The following CABP7 variants were observed in gnomAD, a reference collection of about 807,000 sequenced individuals.
The protein encoded by CABP7 is calcium-binding protein 7.
Under a neutral mutation model 23.1 loss-of-function variants are expected in CABP7, and 13 were observed. The observed-to-expected ratio is 0.56, with a 90% CI of 0.37 to 0.90. The LOEUF is 0.90. CABP7 is among the 40% of genes least tolerant of loss of function. CABP7 has a pLI of 0.01. For synonymous variants in CABP7, 123 were observed against 115.3 expected (o/e 1.07, Z -0.43); for missense variants, 248 against 295.6 (o/e 0.84, Z 1.18).
chr22:29,722,771 C>T (rs1569329541), intron 1 of CABP7, among the ~76,000 whole-genome samples: 1 of 152,224 alleles, frequency 6.6e-6, no homozygotes. Flanking sequence ...GGCCCTCTGC[C>T]GGGAGGACGC....
rs771456539 is a variant in CABP7 at position 29,729,219 on chromosome 22, G to T, written c.520+11G>T. 1.2e-6 allele frequency: 2 copies of T among 1,600,532 alleles called. No individual in the cohort carries two copies. The highest frequency in any genetic ancestry group is 2.3e-5 in the East Asian group (1 of 44,274). On this transcript the variant is annotated intron_variant, in intron 4 of 4. Coordinates refer to ENST00000216144, the MANE Select transcript of CABP7 (RefSeq NM_182527.3). ...CCGTGGATGTGGAGAGTGAGTGGCT[G>T]GCCCTGGAACCCCACGGGTGGGCCC... is the stretch of plus-strand genomic sequence containing the variant.
Position 29,727,664 on chromosome 22 carries a change from A to G in CABP7, c.112A>G (p.Ile38Val). Reference sequence around the variant, plus strand: ...AGCCTACTCCATTCTCTCCTCAGAGATCCGAGAGGCCTTCAAGGTGTTTGA... The same window carrying G: ...AGCCTACTCCATTCTCTCCTCAGAGGTCCGAGAGGCCTTCAAGGTGTTTGA... ...VDIPEDELEEIREAFKVFDRD... is the reference protein window; with the variant it reads ...VDIPEDELEEVREAFKVFDRD... The change falls in exon 2 of 5, where the codon ATC (isoleucine) becomes GTC (valine). Residue 38 changes from isoleucine to valine, a missense_variant and splice_region_variant. Physicochemically the swap from Ile to Val is conservative, Grantham distance 29. Coordinates refer to ENST00000216144, the MANE Select transcript of CABP7 (RefSeq NM_182527.3). This position sits in a 1 kb window ranked among gnomAD's most constrained non-coding sequence, Gnocchi z 4.2. 1 of 1,613,664 alleles carries G rather than the reference A, an allele frequency of 6.2e-7. No individual in the cohort carries two copies. The highest frequency in any genetic ancestry group is 8.5e-7 in the Non-Finnish European group (1 of 1,179,912).
intron 1 of CABP7, among the ~76,000 whole-genome samples, chr22:29,722,284 G>A (rs1003857344): frequency 1.3e-5 from 2 of 152,244 alleles, no homozygotes; most frequent in African/African-American, 2.4e-5. Flanking sequence ...CTGCAGGGGC[G>A]AGGGGCCGCA....
chr22:29,720,551 TC>T lies in CABP7; in HGVS notation c.109+22del. 6.7e-7 allele frequency: 1 copy of T among 1,486,864 alleles called. No homozygotes were observed. Among genetic ancestry groups the T allele is most frequent in the Non-Finnish European group, 9.0e-7 (1 of 1,108,254 alleles). The allele number at this position is 1,486,864 out of a possible 1,614,324, so 92.1% of individuals were successfully genotyped here. On this transcript the variant is annotated intron_variant, in intron 1 of 4. Coordinates refer to ENST00000216144, the MANE Select transcript of CABP7 (RefSeq NM_182527.3). The surrounding 1 kb of genome is among the most constrained non-coding windows in gnomAD (Gnocchi z 5.2). ...GCTGGAGGGTGAGTGTCCGCCGGGA[TC>T]CCCGCCCCGGCGGCCCTCCTACCTG...
At chr22:29,722,067 C>T (rs2067765990) in intron 1 of CABP7, among the ~76,000 whole-genome samples, 1 of 152,158 alleles carries the variant, frequency 6.6e-6, no homozygotes, top group Non-Finnish European at 1.5e-5. Context: ...TCCAGAGGCC[C>T]TCATCCATCC....
At chr22:29,728,479 G>A in intron 2 of CABP7, 151 bp from the exon 3 acceptor site, 3 of 583,788 alleles carry the variant, frequency 5.1e-6, no homozygotes, top group Non-Finnish European at 9.3e-6. Flanking sequence ...AGATGCCCCT[G>A]ACACTGACTC....
intron 1 of CABP7, among the ~76,000 whole-genome samples, chr22:29,721,440 G>T (rs938996020): frequency 7.9e-5 from 12 of 152,146 alleles, no homozygotes; most frequent in Admixed American, 7.8e-4. Context: ...GGAGTGGAGT[G>T]GGGGATCTGG....
chr22:29,727,556 C>A lies in CABP7; in HGVS notation c.110-106C>A. ...CCAGATCTGCAGGCTCTGGGTTGGG[C>A]TCTCAAGGCCATGCTCAGGCTGCAG... On this transcript the variant is annotated intron_variant, in intron 1 of 4. Transcript: ENST00000216144. The surrounding 1 kb of genome is among the most constrained non-coding windows in gnomAD (Gnocchi z 4.2). 7.0e-7 allele frequency: 1 copy of A among 1,420,512 alleles called. No individual in the cohort carries two copies. Among genetic ancestry groups the A allele is most frequent in the Non-Finnish European group, 9.8e-7 (1 of 1,019,760 alleles). 88.0% of individuals were successfully genotyped at this position (1,420,512 alleles called of 1,614,324 possible).
At chr22:29,723,943 T>C (rs1459627628) in intron 1 of CABP7, among the ~76,000 whole-genome samples, 2 of 152,150 alleles carry the variant, frequency 1.3e-5, no homozygotes, top group Non-Finnish European at 2.9e-5. Context: ...GAGAAGGACA[T>C]TGGGGGATGT....
In CABP7 at chr22:29,727,142, G is replaced by A. The variant is rs867726025; in HGVS notation, c.110-520G>A. ...CCCTGAACCAAAAGAGGTCTGTGCC[G>A]CCTGTCAGCCCATTAGTCTGGAGCA... On this transcript the variant is annotated intron_variant, in intron 1 of 4. Transcript: ENST00000216144. The surrounding 1 kb of genome is among the most constrained non-coding windows in gnomAD (Gnocchi z 4.2). Among the ~76,000 whole-genome samples the A allele has an allele frequency of 2.0e-5, 3 of 152,172 alleles. No homozygotes were observed. Among genetic ancestry groups the A allele is most frequent in the South Asian group, 2.1e-4 (1 of 4,832 alleles).
In CABP7 at chr22:29,731,248, G is replaced by A; in HGVS notation, c.*1679G>A. On this transcript the variant is annotated 3_prime_UTR_variant, in exon 5 of 5. Transcript: ENST00000216144. ...GCTCAGCCCCACTGGACTCTGGGCT[G>A]CAGAGGCCACCCCCCAGGTGGGGGT... The A allele has an allele frequency of 6.6e-7, 1 of 1,511,848 alleles. No individual in the cohort carries two copies. Among genetic ancestry groups the A allele is most frequent in the South Asian group, 1.4e-5 (1 of 73,510 alleles). The allele number at this position is 1,511,848 out of a possible 1,614,324, so 93.7% of individuals were successfully genotyped here. A position where few individuals can be genotyped will look rare whatever the true frequency, so the allele number is the denominator to read the frequency against.
rs2147209715 is a variant in CABP7, at chr22:29,729,629, C to A, written c.*60C>A. 1 of 1,590,176 alleles carries A rather than the reference C, an allele frequency of 6.3e-7. No individual in the cohort carries two copies. Among genetic ancestry groups the A allele is most frequent in the Non-Finnish European group, 8.5e-7 (1 of 1,173,348 alleles). On this transcript the variant is annotated 3_prime_UTR_variant, in exon 5 of 5. Coordinates refer to ENST00000216144, the MANE Select transcript of CABP7 (RefSeq NM_182527.3). ...GCCCGTGGCCCGCCCCACACCACCG[C>A]CGCCTGCAGACCTCTCCCTTGGCCG...
At chr22:29,729,308 T>C (rs2067820577) in intron 4 of CABP7, 100 bp downstream of exon 4, 2 of 1,576,920 alleles carry the variant, frequency 1.3e-6, no homozygotes, top group Admixed American at 3.4e-5. Flanking sequence ...GGGGGCCTCC[T>C]TGCCTGTCCT....
At chr22:29,726,960 G>A (rs1045965706) in intron 1 of CABP7, among the ~76,000 whole-genome samples, 2 of 152,178 alleles carry the variant, frequency 1.3e-5, no homozygotes, top group African/African-American at 2.4e-5. Context: ...AGGTTGGGTT[G>A]CTTGTTCCCC....
intron 2 of CABP7, 23 bp from the exon 3 acceptor site, chr22:29,728,607 G>T (rs1291983343): frequency 6.7e-7 from 1 of 1,501,078 alleles, no homozygotes; most frequent in East Asian, 2.3e-5. Context: ...CCCACTGATT[G>T]ATTGGACCTG....
Position 29,730,562 on chromosome 22 carries a change from T to A in CABP7, c.*993T>A, listed in dbSNP as rs949418993. ...GCCAAGAGGCTGCGCCAGGCCACTC[T>A]CTCAGCCCAGGGCCTGCCCTCCTGT... is the stretch of plus-strand genomic sequence containing the variant. On this transcript the variant is annotated 3_prime_UTR_variant, in exon 5 of 5. Coordinates refer to ENST00000216144, the MANE Select transcript of CABP7 (RefSeq NM_182527.3). 6.6e-6 allele frequency: 1 copy of A among 152,504 alleles called. No homozygotes were observed. The highest frequency in any genetic ancestry group is 2.4e-5 in the African/African-American group (1 of 41,464). The allele number at this position is 152,504 out of a possible 1,614,324, so 9.4% of individuals were successfully genotyped here.
chr22:29,727,571 T>G lies in CABP7; in HGVS notation c.110-91T>G. ...CTGGGTTGGGCTCTCAAGGCCATGC[T>G]CAGGCTGCAGGGTCGGTGATCCTGG... is the stretch of plus-strand genomic sequence containing the variant. On this transcript the variant is annotated intron_variant, in intron 1 of 4. Transcript: ENST00000216144. This position sits in a 1 kb window ranked among gnomAD's most constrained non-coding sequence, Gnocchi z 4.2. 6.5e-7 allele frequency: 1 copy of G among 1,532,550 alleles called. No individual in the cohort carries two copies. Among genetic ancestry groups the G allele is most frequent in the Non-Finnish European group, 9.0e-7 (1 of 1,114,608 alleles). The allele number at this position is 1,532,550 out of a possible 1,614,324, so 94.9% of individuals were successfully genotyped here. A position where few individuals can be genotyped will look rare whatever the true frequency, so the allele number is the denominator to read the frequency against.
intron 2 of CABP7, among the ~76,000 whole-genome samples, chr22:29,728,140 G>T (rs1056628794): frequency 6.6e-6 from 1 of 152,222 alleles, no homozygotes; most frequent in Non-Finnish European, 1.5e-5. Context: ...TACTTGAGTT[G>T]TGTTTGCCAC....
chr22:29,727,674 CCTT>C lies in CABP7; in HGVS notation c.124_126del (p.Phe42del). ...ATTCTCTCCTCAGAGATCCGAGAGG[CCTT>C]CAAGGTGTTTGACCGTGACGGCAAT... On this transcript the variant is annotated inframe_deletion, in exon 2 of 5. Coordinates refer to ENST00000216144, the MANE Select transcript of CABP7 (RefSeq NM_182527.3). This position sits in a 1 kb window ranked among gnomAD's most constrained non-coding sequence, Gnocchi z 4.2. The C allele has an allele frequency of 6.2e-7, 1 of 1,613,828 alleles. No individual in the cohort carries two copies. Among genetic ancestry groups the C allele is most frequent in the Non-Finnish European group, 8.5e-7 (1 of 1,179,964 alleles).
Sources: gnomAD v4.1 joint callset for allele counts (sites outside exome capture counted in the v4.1 genomes callset) on GRCh38, gnomAD v4.1.1 for gene constraint, Gnocchi (gnomAD v3.1) non-coding constraint, MANE v1.5 for transcripts, NCBI Gene and HGNC (gene_info 2026-07-23, HGNC 2026-07-21) for gene names.